NCKAP1: variants seen among roughly 807,000 people sequenced by gnomAD.
NCKAP1 encodes the protein NCK associated protein 1.
Under a neutral mutation model 151.2 loss-of-function variants are expected in NCKAP1, and 21 were observed. The observed-to-expected ratio is 0.14, with a 90% CI of 0.10 to 0.20. The LOEUF is 0.20. NCKAP1 is among the 10% of genes least tolerant of loss of function. NCKAP1 has a pLI of 1.00. For missense variants in NCKAP1, 933 were observed against 1,352.1 expected (o/e 0.69, Z 4.86); for synonymous variants, 484 against 451.8 (o/e 1.07, Z -0.90).
At chr2:182,948,813 T>C (rs1451666156) in intron 23 of NCKAP1, among the ~76,000 whole-genome samples, 1 of 152,218 alleles carries the variant, frequency 6.6e-6, no homozygotes, top group Non-Finnish European at 1.5e-5. Context: ...AGCTACCAAA[T>C]GTGTTCATGC....
chr2:182,925,666 C>G lies in NCKAP1; in HGVS notation c.*36G>C, dbSNP rs1165401172. 2.2e-6 allele frequency: 3 copies of G among 1,341,958 alleles called. No individual in the cohort carries two copies. The East Asian group carries it at 7.5e-5, about 34-fold the overall frequency. The allele number at this position is 1,341,958 out of a possible 1,614,324, so 83.1% of individuals were successfully genotyped here. On this transcript the variant is annotated 3_prime_UTR_variant, in exon 31 of 31. Transcript: ENST00000361354. The stretch of plus-strand genomic sequence containing the variant: ...CAGTCTACAGGTAAAACCAAGGCAA[C>G]AAAAATGCGTGCTTATCTTGATTAA...
intron 2 of NCKAP1, among the ~76,000 whole-genome samples, chr2:183,017,523 A>C (rs1185985246): frequency 6.6e-6 from 1 of 152,126 alleles, no homozygotes; most frequent in Admixed American, 6.5e-5. Flanking sequence ...TGACAGGAGA[A>C]AGAGCTCAGG....
chr2:182,928,952 A>G (rs1217472480), intron 27 of NCKAP1, 53 bp from the exon 28 acceptor site: 1 of 1,188,624 alleles, frequency 8.4e-7, no homozygotes, highest in Admixed American at 2.1e-5. Flanking sequence ...AGATTAGTTA[A>G]GATTTGATAA....
chr2:183,006,703 T>C (rs1369853976), intron 2 of NCKAP1, among the ~76,000 whole-genome samples: 1 of 152,136 alleles, frequency 6.6e-6, no homozygotes, highest in African/African-American at 2.4e-5. Flanking sequence ...CTACCAAAAA[T>C]TATTAATATC....
chr2:182,959,134 C>G (rs1697386896), intron 18 of NCKAP1, among the ~76,000 whole-genome samples: 1 of 152,060 alleles, frequency 6.6e-6, no homozygotes, highest in Admixed American at 6.6e-5. Context: ...GTCATTATAC[C>G]TAGATAGTAA....
At chr2:182,948,402 A>G (rs891197899) in intron 23 of NCKAP1, among the ~76,000 whole-genome samples, 2 of 152,156 alleles carry the variant, frequency 1.3e-5, no homozygotes, top group African/African-American at 4.8e-5. Flanking sequence ...CATTGTTTAC[A>G]GTCGTTCCGC....
At chr2:182,945,647 T>C (rs191669148) in intron 23 of NCKAP1, among the ~76,000 whole-genome samples, 235 of 152,302 alleles carry the variant, frequency 1.5e-3, no homozygotes, top group African/African-American at 5.4e-3. Flanking sequence ...CCTATCAAAA[T>C]GCTCAAACAT....
In NCKAP1 at chr2:182,923,769, G is replaced by A. The variant is rs1462929220; in HGVS notation, c.*1933C>T. The A allele has an allele frequency of 4.6e-5, 7 of 152,134 alleles. No individual in the cohort carries two copies. Among genetic ancestry groups the A allele is most frequent in the Admixed American group, 3.3e-4 (5 of 15,266 alleles). The allele number at this position is 152,134 out of a possible 1,614,324, so 9.4% of individuals were successfully genotyped here. On this transcript the variant is annotated 3_prime_UTR_variant, in exon 31 of 31. Coordinates refer to ENST00000361354, the MANE Select transcript of NCKAP1 (RefSeq NM_013436.5). ...TAAAACAAACAAGATATTAAAAATAGTAGTTGTCAATTTACTTTTAACTTT... is the reference window on the plus strand; with the variant it reads ...TAAAACAAACAAGATATTAAAAATAATAGTTGTCAATTTACTTTTAACTTT...
intron 13 of NCKAP1, among the ~76,000 whole-genome samples, chr2:182,979,232 A>G (rs570217411): frequency 2.8e-4 from 42 of 152,112 alleles, no homozygotes; most frequent in Non-Finnish European, 4.9e-4. Flanking sequence ...GGGCTTATGC[A>G]AGAATGATGA....
At chr2:183,035,472 G>T (rs1699084475) in intron 1 of NCKAP1, among the ~76,000 whole-genome samples, 1 of 151,934 alleles carries the variant, frequency 6.6e-6, no homozygotes, top group Non-Finnish European at 1.5e-5. Flanking sequence ...TAATGCACAT[G>T]CATTAATGAA....
At chr2:183,033,345 T>C (rs1421521595) in intron 1 of NCKAP1, among the ~76,000 whole-genome samples, 3 of 152,228 alleles carry the variant, frequency 2.0e-5, no homozygotes, top group Non-Finnish European at 2.9e-5. Context: ...TTAGTTTCTG[T>C]CACTGGCTGC....
intron 9 of NCKAP1, among the ~76,000 whole-genome samples, chr2:182,988,471 GAAAT>G (rs990726857): frequency 2.0e-5 from 3 of 151,958 alleles, no homozygotes; most frequent in Non-Finnish European, 4.4e-5. Context: ...CAAGTGGAGA[GAAAT>G]AAAGTTATTA....
chr2:182,942,037 T>C lies in NCKAP1; in HGVS notation c.2695+33A>G, dbSNP rs562887311. On this transcript the variant is annotated intron_variant, in intron 24 of 30. Coordinates refer to ENST00000361354, the MANE Select transcript of NCKAP1 (RefSeq NM_013436.5). Reference sequence around the variant, plus strand: ...CTAAATACTGAGTATCAAGATCTTCTTATGTTTATAAAAAGTATCATGAGT... The same window carrying C: ...CTAAATACTGAGTATCAAGATCTTCCTATGTTTATAAAAAGTATCATGAGT... The C allele has an allele frequency of 2.6e-6, 4 of 1,538,294 alleles. No homozygotes were observed. The African/African-American group carries it at 4.1e-5, about 16-fold the overall frequency.
Position 182,913,279 on chromosome 2 carries a change from G to T in NCKAP1, c.*12423C>A, listed in dbSNP as rs905983688. On this transcript the variant is annotated 3_prime_UTR_variant, in exon 31 of 31. Transcript: ENST00000361354. ...ACTGTTGTGGCTTGAATGTGTCCCC[G>T]AAAAGTTCATGTGTTGGAAATTTGG... 6.6e-6 allele frequency: 1 copy of T among 152,158 alleles called. No homozygotes were observed. The highest frequency in any genetic ancestry group is 1.5e-5 in the Non-Finnish European group (1 of 68,034). The allele number at this position is 152,158 out of a possible 1,614,324, so 9.4% of individuals were successfully genotyped here.
In NCKAP1 at chr2:182,917,287, C is replaced by G. The variant is rs1336615722; in HGVS notation, c.*8415G>C. 6.6e-6 allele frequency: 1 copy of G among 152,132 alleles called. No homozygotes were observed. Among genetic ancestry groups the G allele is most frequent in the Non-Finnish European group, 1.5e-5 (1 of 68,008 alleles). 9.4% of individuals were successfully genotyped at this position (152,132 alleles called of 1,614,324 possible). The stretch of plus-strand genomic sequence containing the variant: ...GTGGCATCATACTTCAAGTCATATC[C>G]ACGTCCAAAATCCTACCAGGAACCA... On this transcript the variant is annotated 3_prime_UTR_variant, in exon 31 of 31. Transcript: ENST00000361354.
chr2:183,026,456 G>C (rs960460607), intron 1 of NCKAP1, among the ~76,000 whole-genome samples: 23 of 147,094 alleles, frequency 1.6e-4, no homozygotes, highest in Non-Finnish European at 2.4e-4. Context: ...CTGAGCCACA[G>C]AGTGAAGCTC....
At chr2:183,029,043 G>C (rs1445364627) in intron 1 of NCKAP1, among the ~76,000 whole-genome samples, 1 of 151,922 alleles carries the variant, frequency 6.6e-6, no homozygotes, top group African/African-American at 2.4e-5. Context: ...CTTGAACCCG[G>C]AAGGCGCAGG....
intron 1 of NCKAP1, chr2:183,025,093 C>T: frequency 9.6e-7 from 1 of 1,044,752 alleles, no homozygotes; most frequent in Non-Finnish European, 1.4e-6. Flanking sequence ...GCACTGCAGA[C>T]TATGAATAAC....
chr2:183,024,938 C>A (rs766202532), intron 1 of NCKAP1: 13 of 1,607,788 alleles, frequency 8.1e-6, no homozygotes, highest in Non-Finnish European at 1.1e-5. Flanking sequence ...GATCTGAAAG[C>A]GGGCAAGCGG....
Sources: gnomAD v4.1 joint callset for allele counts (sites outside exome capture counted in the v4.1 genomes callset) on GRCh38, gnomAD v4.1.1 for gene constraint, MANE v1.5 for transcripts, NCBI Gene and HGNC (gene_info 2026-07-23, HGNC 2026-07-21) for gene names.